PLCL2: variants seen among roughly 807,000 people sequenced by gnomAD.
PLCL2 encodes phospholipase C like 2, also known as inactive phospholipase C-like protein 2.
In PLCL2, 4 loss-of-function variants were observed where a neutral mutation model predicts 79.6. The ratio of observed to expected loss-of-function variants is 0.05; its 90% confidence interval spans 0.02 to 0.11. The LOEUF is 0.11. Among genes scored for constraint, PLCL2 ranks in the 10% least tolerant of loss-of-function variants. The pLI is 1.00. For synonymous variants in PLCL2, 484 were observed against 457.7 expected (o/e 1.06, Z -0.73); for missense variants, 895 against 1,291.0 (o/e 0.69, Z 4.70).
At chr3:16,981,029 G>A (rs1415352186) in intron 1 of PLCL2, among the ~76,000 whole-genome samples, 1 of 152,218 alleles carries the variant, frequency 6.6e-6, no homozygotes, top group South Asian at 2.1e-4. Flanking sequence ...GCAGGCACTC[G>A]GCAAGCTGAG....
intron 1 of PLCL2, among the ~76,000 whole-genome samples, chr3:16,949,798 C>G (rs760293890): frequency 5.3e-5 from 8 of 152,060 alleles, no homozygotes; most frequent in Admixed American, 6.5e-5. Flanking sequence ...TTTAATTATT[C>G]TGGAATATTT....
At chr3:16,975,228 G>A (rs2063912612) in intron 1 of PLCL2, among the ~76,000 whole-genome samples, 1 of 152,148 alleles carries the variant, frequency 6.6e-6, no homozygotes, top group East Asian at 1.9e-4. Flanking sequence ...GACTTGTCAC[G>A]GGGTTTGTTT....
chr3:16,974,719 T>G (rs1191288815), intron 1 of PLCL2, among the ~76,000 whole-genome samples: 1 of 152,208 alleles, frequency 6.6e-6, no homozygotes, highest in Non-Finnish European at 1.5e-5. Flanking sequence ...ATGGTTTCTG[T>G]TTAGGATCAT....
chr3:17,007,450 G>C (rs1309548230), intron 1 of PLCL2, among the ~76,000 whole-genome samples: 1 of 152,122 alleles, frequency 6.6e-6, no homozygotes, highest in Non-Finnish European at 1.5e-5. Flanking sequence ...TTAATATAAT[G>C]TATCTTACAG....
intron 4 of PLCL2, among the ~76,000 whole-genome samples, chr3:17,051,470 A>C (rs2064838006): frequency 6.6e-6 from 1 of 152,234 alleles, no homozygotes; most frequent in Admixed American, 6.5e-5. Context: ...TAAAATTTAA[A>C]AAAACCATTG....
At chr3:17,089,682 A>G (rs2065254061) in intron 5 of PLCL2, 51 bp from the exon 6 acceptor site, 1 of 1,054,810 alleles carries the variant, frequency 9.5e-7, no homozygotes, top group East Asian at 2.4e-5. Context: ...TTGAAGTATA[A>G]CACTAAGTTA....
chr3:16,947,020 G>T (rs1033075201), intron 1 of PLCL2, among the ~76,000 whole-genome samples: 6 of 144,192 alleles, frequency 4.2e-5, no homozygotes, highest in African/African-American at 1.6e-4. Context: ...CAGTGGCACG[G>T]TCATGGCTCA....
intron 4 of PLCL2, among the ~76,000 whole-genome samples, chr3:17,051,338 C>T (rs2064836512): frequency 6.6e-6 from 1 of 151,976 alleles, no homozygotes; most frequent in Non-Finnish European, 1.5e-5. Flanking sequence ...ATGATAAATG[C>T]TTATTAAGTG....
At chr3:16,985,823 G>A (rs1447660610) in intron 1 of PLCL2, among the ~76,000 whole-genome samples, 1 of 152,182 alleles carries the variant, frequency 6.6e-6, no homozygotes, top group Non-Finnish European at 1.5e-5. Flanking sequence ...GTTGTTTCCA[G>A]TGGCAGCTGC....
chr3:16,935,021 T>A (rs1697506426), intron 1 of PLCL2, among the ~76,000 whole-genome samples: 1 of 152,248 alleles, frequency 6.6e-6, no homozygotes, highest in South Asian at 2.1e-4. Flanking sequence ...CCAGAAAGGC[T>A]AATACGCCAA....
chr3:17,025,035 A>G (rs528937649), intron 3 of PLCL2, among the ~76,000 whole-genome samples: 9 of 152,248 alleles, frequency 5.9e-5, no homozygotes, highest in African/African-American at 1.9e-4. Flanking sequence ...CGGGATATAC[A>G]CCTTTACTGT....
Position 17,010,055 on chromosome 3 carries a change from G to T in PLCL2, c.709G>T (p.Asp237Tyr). 3 of 1,613,072 alleles carry T rather than the reference G, an allele frequency of 1.9e-6. No homozygotes were observed. Among genetic ancestry groups the T allele is most frequent in the Non-Finnish European group, 2.5e-6 (3 of 1,179,042 alleles). ...ACTGGATTTGGTTGCCAACTCCGCAGATGTTGCAAACATCTGGGTTACAGG... is the reference window on the plus strand; with the variant it reads ...ACTGGATTTGGTTGCCAACTCCGCATATGTTGCAAACATCTGGGTTACAGG... ...ESLDLVANSA[D>Y]VANIWVTGLR... is the part of the protein sequence containing the mutation. Residue 237 changes from aspartate (D) to tyrosine (Y), a missense_variant, in exon 2 of 6, where the codon GAT (aspartate) becomes TAT (tyrosine). By Grantham distance (160) the Asp-to-Tyr change is radical. Around this residue, in one of 6 missense-constraint regions of PLCL2, gnomAD observed 129 missense variants for 208.8 expected, o/e 0.62. Coordinates refer to ENST00000615277, the MANE Select transcript of PLCL2 (RefSeq NM_001144382.2). This position sits in a 1 kb window ranked among gnomAD's most constrained non-coding sequence, Gnocchi z 5.8.
chr3:17,002,315 C>A (rs1025446270), intron 1 of PLCL2, among the ~76,000 whole-genome samples: 6 of 152,006 alleles, frequency 3.9e-5, no homozygotes, highest in African/African-American at 1.4e-4. Flanking sequence ...CAAACAAGGA[C>A]AGTTTGACTT....
At chr3:16,956,068 G>A (rs1275483937) in intron 1 of PLCL2, among the ~76,000 whole-genome samples, 5 of 152,138 alleles carry the variant, frequency 3.3e-5, no homozygotes, top group Non-Finnish European at 7.4e-5. Context: ...ACACTATGTT[G>A]AATAGGAGTG....
intron 1 of PLCL2, among the ~76,000 whole-genome samples, chr3:16,976,969 C>T (rs2063933056): frequency 6.6e-6 from 1 of 152,090 alleles, no homozygotes; most frequent in African/African-American, 2.4e-5. Context: ...AGGATAGAAT[C>T]CACATCTGTT....
At chr3:17,015,829 G>T (rs1165801678) in intron 3 of PLCL2, among the ~76,000 whole-genome samples, 3 of 152,174 alleles carry the variant, frequency 2.0e-5, no homozygotes, top group Admixed American at 6.5e-5. Context: ...AAATATTTTT[G>T]ACTGTTTCAT....
intron 5 of PLCL2, 143 bp downstream of exon 5, chr3:17,068,208 G>C (rs2065028879): frequency 5.2e-6 from 3 of 578,344 alleles, no homozygotes; most frequent in South Asian, 2.4e-5. Flanking sequence ...GAAGAACTCT[G>C]CCCTTCTAGA....
At chr3:16,989,515 A>G (rs1478183644) in intron 1 of PLCL2, among the ~76,000 whole-genome samples, 1 of 152,196 alleles carries the variant, frequency 6.6e-6, no homozygotes, top group Admixed American at 6.5e-5. Context: ...TATTGACTAC[A>G]TGTGGAAATG....
chr3:16,895,489 T>G (rs893428842), intron 1 of PLCL2, among the ~76,000 whole-genome samples: 2 of 152,224 alleles, frequency 1.3e-5, no homozygotes, highest in African/African-American at 4.8e-5. Context: ...CCCACTGCAC[T>G]GCATTGGTCT....
Sources: gnomAD v4.1 joint callset for allele counts (sites outside exome capture counted in the v4.1 genomes callset) on GRCh38, gnomAD v4.1.1 for gene constraint, gnomAD v4.1.1 regional missense constraint, Gnocchi (gnomAD v3.1) non-coding constraint, MANE v1.5 for transcripts, NCBI Gene and HGNC (gene_info 2026-07-23, HGNC 2026-07-21) for gene names.